The following TRIM24 variants were observed in gnomAD, a reference collection of about 807,000 sequenced individuals.
TRIM24 encodes the protein transcription intermediary factor 1-alpha.
In TRIM24, 29 loss-of-function variants were observed where a neutral mutation model predicts 123.9. That is an observed-to-expected ratio of 0.23 (90% CI 0.17 to 0.32). TRIM24 has a LOEUF of 0.32. Ranked by LOEUF, TRIM24 falls within the 10% of genes least tolerant of loss-of-function variation. The pLI, the probability that TRIM24 is intolerant of heterozygous loss-of-function variation, is 1.00. For synonymous variants in TRIM24, 456 were observed against 461.1 expected (o/e 0.99, Z 0.14); for missense variants, 932 against 1,295.3 (o/e 0.72, Z 4.31).
chr7:138,506,258 TC>T (rs1796149138), intron 2 of TRIM24, among the ~76,000 whole-genome samples: 1 of 152,218 alleles, frequency 6.6e-6, no homozygotes, highest in Admixed American at 6.5e-5. Flanking sequence ...AGATAAACTT[TC>T]TAATTGTTTA....
At chr7:138,550,804 T>C (rs538289790) in intron 7 of TRIM24, among the ~76,000 whole-genome samples, 2 of 152,350 alleles carry the variant, frequency 1.3e-5, no homozygotes, top group African/African-American at 4.8e-5. Flanking sequence ...TTTGAGTTAG[T>C]GATTCTGCAG....
intron 3 of TRIM24, among the ~76,000 whole-genome samples, chr7:138,517,132 G>T (rs867627820): frequency 2.7e-5 from 4 of 150,098 alleles, no homozygotes; most frequent in African/African-American, 9.8e-5. Flanking sequence ...TCTTAGCGTT[G>T]CTGGAGTTAA....
At chr7:138,528,119 C>G (rs1195238319) in intron 5 of TRIM24, among the ~76,000 whole-genome samples, 1 of 152,088 alleles carries the variant, frequency 6.6e-6, no homozygotes, top group African/African-American at 2.4e-5. Context: ...TCTAGGCTTG[C>G]TCTAGTGCCT....
chr7:138,497,632 T>A (rs534333766), intron 1 of TRIM24, among the ~76,000 whole-genome samples: 81 of 152,028 alleles, frequency 5.3e-4, no homozygotes, highest in African/African-American at 1.9e-3. Flanking sequence ...TGACCTCAGG[T>A]GATCCGTCCG....
chr7:138,506,519 G>A (rs992424314), intron 2 of TRIM24, among the ~76,000 whole-genome samples: 2 of 152,160 alleles, frequency 1.3e-5, no homozygotes, highest in Non-Finnish European at 2.9e-5. Context: ...CAAATGTAAA[G>A]TAGCATAAAT....
Position 138,584,944 on chromosome 7 carries a change from TTAAATA to T in TRIM24, c.3147_3152del (p.Lys1050_Ter1051delextTer9). On this transcript the variant is annotated stop_lost and inframe_deletion, in exon 19 of 19. Transcript: ENST00000343526. ...AAAAGCATTGAAGAACGCCAGTTGCTTAAATAATATGCAGCACCACTAGCTTGTGCT... is the reference window on the plus strand; with the variant it reads ...AAAAGCATTGAAGAACGCCAGTTGCTATATGCAGCACCACTAGCTTGTGCT... 6.2e-7 allele frequency: 1 copy of T among 1,607,562 alleles called. No individual in the cohort carries two copies. Among genetic ancestry groups the T allele is most frequent in the Non-Finnish European group, 8.5e-7 (1 of 1,178,276 alleles).
intron 10 of TRIM24, among the ~76,000 whole-genome samples, chr7:138,569,529 G>A (rs1208300994): frequency 6.6e-6 from 1 of 152,092 alleles, no homozygotes; most frequent in Non-Finnish European, 1.5e-5. Flanking sequence ...TTGTATGTGT[G>A]TTTTCCTCCA....
In TRIM24 at chr7:138,568,379, C is replaced by CTTTTTTTTTTTTT. The variant is rs60386130; in HGVS notation, c.1704+743_1704+755dup. ...CTCGTAAGCCACCGTACCTGGCCTC[C>CTTTTTTTTTTTTT]TTTTTTTTTTTTTTTTTTTTTTTTT... is the stretch of plus-strand genomic sequence containing the variant. On this transcript the variant is annotated intron_variant, in intron 10 of 18. Coordinates refer to ENST00000343526, the MANE Select transcript of TRIM24 (RefSeq NM_015905.3). Among the ~76,000 whole-genome samples, 41 of 68,706 alleles carry CTTTTTTTTTTTTT rather than the reference C, an allele frequency of 6.0e-4. 9 individuals carry two copies. The highest frequency in any genetic ancestry group is 2.2e-3 in the South Asian group (3 of 1,362). 45.1% of individuals were successfully genotyped at this position (68,706 alleles called of 152,430 possible).
intron 9 of TRIM24, among the ~76,000 whole-genome samples, chr7:138,557,829 C>A (rs574044350): frequency 6.6e-5 from 10 of 152,264 alleles, no homozygotes; most frequent in African/African-American, 2.4e-4. Flanking sequence ...CGACATTAGT[C>A]ATGATTTCAA....
chr7:138,481,484 G>A (rs1795524526), intron 1 of TRIM24, among the ~76,000 whole-genome samples: 1 of 151,584 alleles, frequency 6.6e-6, no homozygotes, highest in South Asian at 2.1e-4. Flanking sequence ...TTGAATTTTT[G>A]AATTTTATGA....
At chr7:138,547,948 C>T (rs1478956683) in intron 7 of TRIM24, among the ~76,000 whole-genome samples, 2 of 152,024 alleles carry the variant, frequency 1.3e-5, no homozygotes, top group African/African-American at 2.4e-5. Flanking sequence ...CTGGCCTATA[C>T]GTATGTTTTA....
At chr7:138,542,937 C>T (rs1389146181) in intron 7 of TRIM24, among the ~76,000 whole-genome samples, 2 of 152,094 alleles carry the variant, frequency 1.3e-5, no homozygotes, top group African/African-American at 4.8e-5. Context: ...TAATGGAAAA[C>T]ATCTATACAC....
chr7:138,489,720 T>G (rs990450226), intron 1 of TRIM24, among the ~76,000 whole-genome samples: 3 of 152,212 alleles, frequency 2.0e-5, no homozygotes, highest in Non-Finnish European at 4.4e-5. Context: ...AGATCCACTG[T>G]TAGTCTGATG....
intron 1 of TRIM24, among the ~76,000 whole-genome samples, chr7:138,469,394 C>T (rs1286249017): frequency 6.6e-6 from 1 of 151,544 alleles, no homozygotes; most frequent in African/African-American, 2.4e-5. Flanking sequence ...CTGCAACCTC[C>T]ACCTCCCCGG....
At position 138,538,646 on chromosome 7, in the gene TRIM24, CT is replaced by C; in HGVS notation, c.997-9del. On this transcript the variant is annotated splice_polypyrimidine_tract_variant and intron_variant, in intron 6 of 18. Transcript: ENST00000343526. ...CTGATACTAATTTTGAAACTATTTTCTTGTTTTCAGAGCCTTGCAAAGGACC... is the reference window on the plus strand; with the variant it reads ...CTGATACTAATTTTGAAACTATTTTCTGTTTTCAGAGCCTTGCAAAGGACC... 6.2e-7 allele frequency: 1 copy of C among 1,613,430 alleles called. No homozygotes were observed. Among genetic ancestry groups the C allele is most frequent in the African/African-American group, 1.3e-5 (1 of 75,030 alleles).
At chr7:138,464,807 T>TA (rs913814830) in intron 1 of TRIM24, among the ~76,000 whole-genome samples, 7 of 152,070 alleles carry the variant, frequency 4.6e-5, no homozygotes, top group African/African-American at 1.2e-4. Flanking sequence ...CTTTAACACC[T>TA]AAAAAAAATT....
rs1339692566 is a variant in TRIM24, at chr7:138,504,386, G to A, written c.461G>A (p.Ser154Asn). 6.5e-7 allele frequency: 1 copy of A among 1,538,332 alleles called. No homozygotes were observed. ...AAGGACACTACTGAGGTTCCCAGCA[G>A]TACAGTAGAAAAGTCAAATCAGGTA... ...FVKDTTEVPS[S>N]TVEKSNQVCT... The change falls in exon 2 of 19, where the codon AGT becomes AAT. Residue 154 changes from serine (S) to asparagine (N), a missense_variant. Coordinates refer to ENST00000343526, the MANE Select transcript of TRIM24 (RefSeq NM_015905.3).
rs143230173 is a variant in TRIM24 at position 138,538,622 on chromosome 7, T to C, written c.997-35T>C. 6.5e-4 allele frequency: 1,042 copies of C among 1,610,942 alleles called. 4 individuals carry two copies. In the African/African-American group the frequency reaches 0.011, roughly 18 times the overall value. ...GACCATCAAAGTCTATGTTACATGCTGATACTAATTTTGAAACTATTTTCT... is the reference window on the plus strand; with the variant it reads ...GACCATCAAAGTCTATGTTACATGCCGATACTAATTTTGAAACTATTTTCT... On this transcript the variant is annotated intron_variant, in intron 6 of 18. Coordinates refer to ENST00000343526, the MANE Select transcript of TRIM24 (RefSeq NM_015905.3).
chr7:138,507,157 G>A (rs1399432718), intron 2 of TRIM24, among the ~76,000 whole-genome samples: 1 of 152,054 alleles, frequency 6.6e-6, no homozygotes, highest in East Asian at 1.9e-4. Context: ...TTCATAGCTG[G>A]AGATTTTGAA....
Sources: allele counts gnomAD v4.1 joint callset (sites outside exome capture counted in the v4.1 genomes callset), GRCh38; gene constraint gnomAD v4.1.1; transcripts MANE v1.5; gene names NCBI Gene and HGNC (gene_info 2026-07-23, HGNC 2026-07-21).